Variants in PAXIP1 observed in about 807,000 individuals in gnomAD.
PAXIP1 encodes PAX-interacting protein 1.
A neutral mutation model predicts 140.6 loss-of-function variants in PAXIP1; 19 were observed. That is an observed-to-expected ratio of 0.14 (90% CI 0.09 to 0.20). The LOEUF (loss-of-function observed/expected upper bound fraction) is 0.20, where lower values mean the gene tolerates loss of function less well. Among genes scored for constraint, PAXIP1 ranks in the 10% least tolerant of loss-of-function variants. PAXIP1 has a pLI of 1.00. For missense variants in PAXIP1, 920 were observed against 1,208.6 expected (o/e 0.76, Z 3.54); for synonymous variants, 442 against 444.6 (o/e 0.99, Z 0.07).
At chr7:154,977,119 A>G (rs1809616281) in intron 5 of PAXIP1, among the ~76,000 whole-genome samples, 1 of 152,218 alleles carries the variant, frequency 6.6e-6, no homozygotes, top group African/African-American at 2.4e-5. Context: ...CCACTGGAAA[A>G]GATGTGTCCG....
intron 4 of PAXIP1, among the ~76,000 whole-genome samples, chr7:154,985,064 G>A (rs1010145775): frequency 2.6e-5 from 4 of 152,110 alleles, no homozygotes; most frequent in Non-Finnish European, 5.9e-5. Context: ...ACTGATGTAC[G>A]TTTGGATTAA....
chr7:154,981,480 GAAATC>G (rs1350431959), intron 5 of PAXIP1, among the ~76,000 whole-genome samples: 1 of 152,062 alleles, frequency 6.6e-6, no homozygotes, highest in East Asian at 1.9e-4. Flanking sequence ...GTCCATAAAT[GAAATC>G]AAGAATGAAG....
rs760696837 is a variant in PAXIP1, at chr7:154,976,039, T to C, written c.731A>G (p.Lys244Arg). The C allele has an allele frequency of 6.2e-7, 1 of 1,607,746 alleles. No homozygotes were observed. Among genetic ancestry groups the C allele is most frequent in the Non-Finnish European group, 8.5e-7 (1 of 1,176,434 alleles). Reference protein sequence around the residue: ...FSPKSNTEKSKGELMFDDSSD... With the variant: ...FSPKSNTEKSRGELMFDDSSD... ...AGAATCATCAAACATTAATTCCCCT[T>C]TAGATTTTTCAGTGTTGGATTTAGG... Residue 244 changes from lysine (K) to arginine (R), a missense_variant, in exon 6 of 21, where the codon AAA becomes AGA. This residue lies in a region of PAXIP1 where 419 missense variants were observed against 514.7 expected (regional missense o/e 0.81). Transcript: ENST00000404141.
chr7:154,957,494 GA>G lies in PAXIP1; in HGVS notation c.2479-201del, dbSNP rs1446432370. ...GGGGAGAAGCAGCTAATATTCCGGA[GA>G]GAACCTCTGTATCGTTTTTTTGTTC... On this transcript the variant is annotated intron_variant, in intron 13 of 20. Coordinates refer to ENST00000404141, the MANE Select transcript of PAXIP1 (RefSeq NM_007349.4). Among the ~76,000 whole-genome samples the G allele has an allele frequency of 2.0e-5, 3 of 149,494 alleles. No homozygotes were observed. In the East Asian group the frequency reaches 5.9e-4, roughly 29 times the overall value.
intron 3 of PAXIP1, 35 bp from the exon 4 acceptor site, chr7:154,991,104 G>A (rs763900997): frequency 8.7e-7 from 1 of 1,145,706 alleles, no homozygotes; most frequent in South Asian, 1.4e-5. Context: ...AATGAAATAA[G>A]ATTAGTGCAA....
intron 8 of PAXIP1, among the ~76,000 whole-genome samples, chr7:154,966,428 T>C (rs893495104): frequency 6.6e-6 from 1 of 152,206 alleles, no homozygotes; most frequent in East Asian, 1.9e-4. Flanking sequence ...TGGCCTTCAG[T>C]TGCAAAGCTA....
At chr7:154,995,629 C>T (rs1466653252) in intron 2 of PAXIP1, among the ~76,000 whole-genome samples, 3 of 152,216 alleles carry the variant, frequency 2.0e-5, no homozygotes, top group East Asian at 3.8e-4. Context: ...GCGGGCGGAT[C>T]ACTTGAGGTG....
chr7:154,995,326 C>T (rs1278703588), intron 2 of PAXIP1, among the ~76,000 whole-genome samples: 1 of 152,192 alleles, frequency 6.6e-6, no homozygotes, highest in Non-Finnish European at 1.5e-5. Flanking sequence ...ACACAGCATA[C>T]ACGCTGAATA....
Position 154,946,947 on chromosome 7 carries a change from C to A in PAXIP1, c.2923-134G>T. 1 of 602,096 alleles carries A rather than the reference C, an allele frequency of 1.7e-6. No individual in the cohort carries two copies. The allele number at this position is 602,096 out of a possible 1,614,324, so 37.3% of individuals were successfully genotyped here. The stretch of plus-strand genomic sequence containing the variant: ...TATGACATTATGAAGGTACTATTCT[C>A]CTACTAGCACTCAATCTGAAGTGGA... On this transcript the variant is annotated intron_variant, in intron 17 of 20. Transcript: ENST00000404141. The surrounding 1 kb of genome is among the most constrained non-coding windows in gnomAD (Gnocchi z 4.9).
chr7:154,991,354 A>C (rs145888543), intron 3 of PAXIP1, among the ~76,000 whole-genome samples: 31 of 152,386 alleles, frequency 2.0e-4, no homozygotes, highest in African/African-American at 6.7e-4. Context: ...TTGATCTCTG[A>C]TAGCTAGCTA....
At position 154,968,659 on chromosome 7, in the gene PAXIP1, A is replaced by G. The variant is rs935037; in HGVS notation, c.1542T>C (p.Leu514=). 430,248 of 716,086 alleles carry G rather than the reference A, an allele frequency of 0.6. 129,922 individuals carry two copies. The highest frequency in any genetic ancestry group is 0.72 in the Admixed American group (35,941 of 49,962). The allele number at this position is 716,086 out of a possible 1,614,324, so 44.4% of individuals were successfully genotyped here. A position where few individuals can be genotyped will look rare whatever the true frequency, so the allele number is the denominator to read the frequency against. ...GGCTGTGCTGCTGCTGGAGCTGGGC[A>G]AGCTGCTGCTGCTGGAGCTGGTGCT... ...LQQHQLQQQQ[L]AQLQQQHSLL... The change falls in exon 7 of 21, where the codon CTT becomes CTC. Residue 514 remains leucine (L), a synonymous_variant. Transcript: ENST00000404141.
chr7:154,975,551 CACACAA>C (rs1809532086), intron 6 of PAXIP1, 139 bp downstream of exon 6: 1 of 561,606 alleles, frequency 1.8e-6, no homozygotes, highest in Non-Finnish European at 3.1e-6. Flanking sequence ...CACACACACA[CACACAA>C]GTAAACAGGT....
rs977627684 is a variant in PAXIP1, at chr7:154,954,358, G to C, written c.2718C>G (p.Ser906Arg). The C allele has an allele frequency of 2.5e-6, 4 of 1,609,288 alleles. No individual in the cohort carries two copies. The highest frequency in any genetic ancestry group is 1.7e-5 in the Admixed American group (1 of 59,838). ...GGAACTTCACGGTGCGAGTCACTTT[G>C]CTGGCAATGAGGTGTGTGCACTTCT... ...SAQKCTHLIA[S>R]KVTRTVKFLT... The change falls in exon 16 of 21, where the codon AGC (serine) becomes AGG (arginine). Residue 906 changes from serine to arginine, a missense_variant. Ser to Arg is a moderately radical substitution (Grantham distance 110). Coordinates refer to ENST00000404141, the MANE Select transcript of PAXIP1 (RefSeq NM_007349.4). The surrounding 1 kb of genome is among the most constrained non-coding windows in gnomAD (Gnocchi z 5.1).
chr7:154,951,708 AAAC>A (rs1220761709), intron 16 of PAXIP1: 5 of 152,246 alleles, frequency 3.3e-5, no homozygotes, highest in Non-Finnish European at 7.3e-5. Flanking sequence ...TATACAGATA[AAAC>A]AACCACATTT....
At chr7:155,001,477 C>T (rs1337911540) in intron 1 of PAXIP1, 1 of 151,042 alleles carries the variant, frequency 6.6e-6, no homozygotes, top group Non-Finnish European at 1.5e-5. Context: ...CTGTTTTACT[C>T]TGTAAATTCA....
intron 13 of PAXIP1, among the ~76,000 whole-genome samples, chr7:154,959,330 A>C (rs1306948217): frequency 1.3e-5 from 2 of 152,236 alleles, no homozygotes; most frequent in African/African-American, 2.4e-5. Flanking sequence ...AGTAAAAAAA[A>C]CTGCTGTTCT....
chr7:154,963,184 A>ATG lies in PAXIP1; in HGVS notation c.1989+486_1989+487insCA, dbSNP rs1554507601. Reference sequence around the variant, plus strand: ...GGAGTGTCCGCCCTTTCTTTCTTTTATTTTTTTTTGAGATGGAGTCTCGCT... The same window carrying ATG: ...GGAGTGTCCGCCCTTTCTTTCTTTTATGTTTTTTTTTGAGATGGAGTCTCGCT... On this transcript the variant is annotated intron_variant, in intron 9 of 20. Transcript: ENST00000404141. The surrounding 1 kb of genome is among the most constrained non-coding windows in gnomAD (Gnocchi z 4.1). Among the ~76,000 whole-genome samples the ATG allele has an allele frequency of 1.3e-5, 2 of 150,428 alleles. No individual in the cohort carries two copies. The highest frequency in any genetic ancestry group is 3.0e-5 in the Non-Finnish European group (2 of 67,534).
chr7:154,998,416 G>A (rs1438446146), intron 2 of PAXIP1, among the ~76,000 whole-genome samples: 3 of 152,186 alleles, frequency 2.0e-5, no homozygotes, highest in Non-Finnish European at 2.9e-5. Context: ...GCTGAGGCAT[G>A]AGAATCACTT....
In PAXIP1 at chr7:154,968,821, C is replaced by T. The variant is rs371796152; in HGVS notation, c.1380G>A (p.Pro460=). ...QQQQQQQQAH[P]HQFSQQQLQF... is the part of the protein sequence containing the mutation. ...GTAGCTGTTGCTGTGAAAACTGATG[C>T]GGATGGGCTTGCTGCTGCTGCTGCT... is the stretch of plus-strand genomic sequence containing the variant. The change falls in exon 7 of 21, where the codon CCG becomes CCA. Residue 460 remains proline (P), a synonymous_variant. Coordinates refer to ENST00000404141, the MANE Select transcript of PAXIP1 (RefSeq NM_007349.4). The T allele has an allele frequency of 2.0e-5, 15 of 735,254 alleles. No homozygotes were observed. The highest frequency in any genetic ancestry group is 7.0e-5 in the African/African-American group (4 of 57,202). 45.5% of individuals were successfully genotyped at this position (735,254 alleles called of 1,614,324 possible). A position where few individuals can be genotyped will look rare whatever the true frequency, so the allele number is the denominator to read the frequency against.
Sources: gnomAD v4.1 joint callset for allele counts (sites outside exome capture counted in the v4.1 genomes callset) on GRCh38, gnomAD v4.1.1 for gene constraint, gnomAD v4.1.1 regional missense constraint, Gnocchi (gnomAD v3.1) non-coding constraint, MANE v1.5 for transcripts, NCBI Gene and HGNC (gene_info 2026-07-23, HGNC 2026-07-21) for gene names.